TBK1: variants seen among roughly 807,000 people sequenced by gnomAD.
TBK1 encodes serine/threonine-protein kinase TBK1.
In TBK1, 37 loss-of-function variants were observed where a neutral mutation model predicts 99.9. That is an observed-to-expected ratio of 0.37 (90% CI 0.28 to 0.49). The LOEUF (loss-of-function observed/expected upper bound fraction) is 0.49, where lower values mean the gene tolerates loss of function less well. Among genes scored for constraint, TBK1 ranks in the 20% least tolerant of loss-of-function variants. The pLI is 0.98. For synonymous variants in TBK1, 258 were observed against 279.8 expected (o/e 0.92, Z 0.78); for missense variants, 644 against 872.5 (o/e 0.74, Z 3.30).
At chr12:64,461,618 C>T (rs2040549231) in intron 3 of TBK1, among the ~76,000 whole-genome samples, 1 of 152,174 alleles carries the variant, frequency 6.6e-6, no homozygotes, top group African/African-American at 2.4e-5. Context: ...AGATTAAGAG[C>T]ATAGCCTTCC....
chr12:64,479,517 C>CA, intron 6 of TBK1, among the ~76,000 whole-genome samples: 1 of 152,258 alleles, frequency 6.6e-6, no homozygotes, highest in Non-Finnish European at 1.5e-5. Flanking sequence ...CCAAAATGTG[C>CA]AAATGTGTGT....
intron 5 of TBK1, among the ~76,000 whole-genome samples, chr12:64,472,149 G>A (rs548134066): frequency 4.0e-4 from 60 of 151,614 alleles, no homozygotes; most frequent in African/African-American, 1.4e-3. Flanking sequence ...GTAGGCATAT[G>A]TTTGGACACT....
At position 64,496,412 on chromosome 12, in the gene TBK1, T is replaced by C. The variant is rs1251480040; in HGVS notation, c.1760+6T>C. The C allele has an allele frequency of 3.2e-6, 4 of 1,246,094 alleles. No homozygotes were observed. The highest frequency in any genetic ancestry group is 4.5e-6 in the Non-Finnish European group (4 of 894,182). The allele number at this position is 1,246,094 out of a possible 1,614,324, so 77.2% of individuals were successfully genotyped here. A position where few individuals can be genotyped will look rare whatever the true frequency, so the allele number is the denominator to read the frequency against. On this transcript the variant is annotated splice_donor_region_variant and intron_variant, in intron 16 of 20. Coordinates refer to ENST00000331710, the MANE Select transcript of TBK1 (RefSeq NM_013254.4). Reference sequence around the variant, plus strand: ...CAAATCCACAAATTTGATAAGTAAGTATCCAGATTATGTTTAATAGTTATT... The same window carrying C: ...CAAATCCACAAATTTGATAAGTAAGCATCCAGATTATGTTTAATAGTTATT...
chr12:64,481,513 T>G (rs544495360), intron 7 of TBK1, among the ~76,000 whole-genome samples: 1 of 152,268 alleles, frequency 6.6e-6, no homozygotes, highest in African/African-American at 2.4e-5. Context: ...TCCCACCTGC[T>G]CAGGAAGCTG....
chr12:64,467,222 A>C (rs2040615960), intron 5 of TBK1, 140 bp downstream of exon 5: 1 of 610,676 alleles, frequency 1.6e-6, no homozygotes, highest in African/African-American at 1.9e-5. Flanking sequence ...GAATATGTGC[A>C]ACATGGGAAT....
intron 18 of TBK1, 103 bp downstream of exon 18, chr12:64,497,362 C>A: frequency 2.4e-6 from 2 of 842,606 alleles, no homozygotes; most frequent in Non-Finnish European, 3.5e-6. Flanking sequence ...TTCAGTTCCA[C>A]CCACCAATTT....
At chr12:64,465,461 C>T (rs1375214002) in intron 4 of TBK1, among the ~76,000 whole-genome samples, 1 of 150,870 alleles carries the variant, frequency 6.6e-6, no homozygotes, top group African/African-American at 2.4e-5. Context: ...CATATAAAAA[C>T]TTGTACTCCA....
At chr12:64,500,473 T>G (rs186056812) in intron 20 of TBK1, among the ~76,000 whole-genome samples, 1 of 152,304 alleles carries the variant, frequency 6.6e-6, no homozygotes, top group Admixed American at 6.5e-5. Context: ...CTATTTTTTT[T>G]CTTAACCCCA....
At position 64,456,088 on chromosome 12, in the gene TBK1, C is replaced by T. The variant is rs7298226; in HGVS notation, c.87+131C>T. The T allele has an allele frequency of 1, 722,981 of 723,092 alleles. 361,435 individuals carry two copies. The highest frequency in any genetic ancestry group is 1 in the East Asian group (36,644 of 36,644). 44.8% of individuals were successfully genotyped at this position (723,092 alleles called of 1,614,324 possible). On this transcript the variant is annotated intron_variant, in intron 2 of 20. Coordinates refer to ENST00000331710, the MANE Select transcript of TBK1 (RefSeq NM_013254.4). ...CTGAAGAAATTGTTTTAATGATTTT[C>T]GTGGTCATTTAAGGCATAGCTGTGT...
chr12:64,492,303 TTTTA>T (rs2040877276), intron 13 of TBK1, among the ~76,000 whole-genome samples: 1 of 152,148 alleles, frequency 6.6e-6, no homozygotes, highest in African/African-American at 2.4e-5. Flanking sequence ...TAAGATTTCT[TTTTA>T]TTTATTCATT....
chr12:64,465,729 C>A (rs1285353891), intron 4 of TBK1, among the ~76,000 whole-genome samples: 4 of 152,078 alleles, frequency 2.6e-5, no homozygotes, highest in Non-Finnish European at 1.5e-5. Flanking sequence ...CAAGAATAGG[C>A]AAATCCATAG....
chr12:64,456,806 C>T (rs1201473250), intron 2 of TBK1, among the ~76,000 whole-genome samples: 2 of 148,454 alleles, frequency 1.3e-5, no homozygotes, highest in African/African-American at 5.0e-5. Flanking sequence ...AGCACCACTG[C>T]ACTCCAGCCT....
chr12:64,480,090 T>C lies in TBK1; in HGVS notation c.780T>C (p.Ser260=), dbSNP rs756868128. 17 of 1,612,888 alleles carry C rather than the reference T, an allele frequency of 1.1e-5. No homozygotes were observed. In the African/African-American group the frequency reaches 2.0e-4, roughly 19 times the overall value. Residue 260 remains serine, a synonymous_variant, in exon 7 of 21, where the codon AGT becomes AGC. Transcript: ENST00000331710. ...QKAENGPIDW[S]GDMPVSCSLS... is the part of the protein sequence containing the mutation. The stretch of plus-strand genomic sequence containing the variant: ...CAGAAAATGGACCAATTGACTGGAG[T>C]GGAGACATGCCTGTTTCTTGCAGTC...
chr12:64,497,621 C>CTTTTTTTTT lies in TBK1; in HGVS notation c.1960-19_1960-11dup, dbSNP rs71092972. 5.7e-4 allele frequency: 585 copies of CTTTTTTTTT among 1,024,542 alleles called. 18 individuals carry two copies. The highest frequency in any genetic ancestry group is 1.4e-3 in the South Asian group (81 of 58,978). 63.5% of individuals were successfully genotyped at this position (1,024,542 alleles called of 1,614,324 possible). A position where few individuals can be genotyped will look rare whatever the true frequency, so the allele number is the denominator to read the frequency against. ...TCTGTGATTAATGTGGGGTTTTTTTCTTTTTTTTTTTTTTTTGATGTTTCA... is the reference window on the plus strand; with the variant it reads ...TCTGTGATTAATGTGGGGTTTTTTTCTTTTTTTTTTTTTTTTTTTTTTTTTGATGTTTCA... On this transcript the variant is annotated intron_variant, in intron 18 of 20. Transcript: ENST00000331710.
chr12:64,478,571 T>C (rs1393131235), intron 6 of TBK1, among the ~76,000 whole-genome samples: 2 of 152,224 alleles, frequency 1.3e-5, no homozygotes, highest in East Asian at 3.8e-4. Context: ...TTTTGTTGGT[T>C]GGAGGAAGTA....
At position 64,488,522 on chromosome 12, in the gene TBK1, A is replaced by T; in HGVS notation, c.1376A>T (p.His459Leu). The T allele has an allele frequency of 6.2e-7, 1 of 1,602,174 alleles. No individual in the cohort carries two copies. Among genetic ancestry groups the T allele is most frequent in the Non-Finnish European group, 8.5e-7 (1 of 1,176,108 alleles). The change falls in exon 12 of 21, where the codon CAC (histidine) becomes CTC (leucine). Residue 459 changes from histidine (H) to leucine (L), a missense_variant. Physicochemically the swap from His to Leu is moderately conservative, Grantham distance 99 (BLOSUM62 -3). Transcript: ENST00000331710. ...LIKDDYNETV[H>L]KKTEVVITLD... ...AAAGATGATTACAATGAAACTGTTC[A>T]CAAAAAGACAGAAGTTGTGATCACA...
chr12:64,497,551 A>T, intron 18 of TBK1, 97 bp from the exon 19 acceptor site: 1 of 796,468 alleles, frequency 1.3e-6, no homozygotes, highest in Non-Finnish European at 1.9e-6. Flanking sequence ...AGGACTTATT[A>T]AAAGCTGTAA....
At chr12:64,484,236 CATTTAAAAT>C in intron 8 of TBK1, 58 bp from the exon 9 acceptor site, 3 of 1,005,264 alleles carry the variant, frequency 3.0e-6, no homozygotes, top group Non-Finnish European at 4.4e-6. Flanking sequence ...TTGTTGCACT[CATTTAAAAT>C]ATTTTGCCTC....
rs750892833 is a variant in TBK1, at chr12:64,474,397, G to T, written c.701+7G>T. On this transcript the variant is annotated splice_region_variant and intron_variant, in intron 6 of 20. Coordinates refer to ENST00000331710, the MANE Select transcript of TBK1 (RefSeq NM_013254.4). ...GTAGGAATAAAGAAGTGATGTAAGT[G>T]GTTTCCCGATCTAAAATCAGAGAAG... 6.3e-7 allele frequency: 1 copy of T among 1,596,606 alleles called. No homozygotes were observed. Among genetic ancestry groups the T allele is most frequent in the Admixed American group, 1.8e-5 (1 of 56,980 alleles).
Sources: allele counts gnomAD v4.1 joint callset (sites outside exome capture counted in the v4.1 genomes callset), GRCh38; gene constraint gnomAD v4.1.1; transcripts MANE v1.5; gene names NCBI Gene and HGNC (gene_info 2026-07-23, HGNC 2026-07-21).